The following AGBL4 variants were observed in gnomAD, a reference collection of about 807,000 sequenced individuals.
AGBL4 encodes the protein cytosolic carboxypeptidase 6.
A neutral mutation model predicts 66.4 loss-of-function variants in AGBL4; 58 were observed. That is an observed-to-expected ratio of 0.87 (90% confidence interval 0.71 to 1.09). AGBL4 has a LOEUF of 1.09. Ranked by LOEUF, AGBL4 falls within the 50% of genes least tolerant of loss-of-function variation. The probability of loss-of-function intolerance (pLI) is 0.00; values close to 1 mark genes in which losing one functional copy is unlikely to be tolerated. For synonymous variants in AGBL4, 234 were observed against 222.9 expected (o/e 1.05, Z -0.44); for missense variants, 579 against 631.0 (o/e 0.92, Z 0.88).
intron 3 of AGBL4, among the ~76,000 whole-genome samples, chr1:49,562,457 C>G (rs897283224): frequency 2.6e-5 from 4 of 152,144 alleles, no homozygotes; most frequent in Non-Finnish European, 4.4e-5. Context: ...ACATGTAAGT[C>G]TTTAATCCAT....
chr1:49,754,261 G>T (rs1351856368), intron 2 of AGBL4, among the ~76,000 whole-genome samples: 3 of 146,480 alleles, frequency 2.0e-5, no homozygotes, highest in Non-Finnish European at 3.0e-5. Flanking sequence ...TTTTGCATGG[G>T]TGTTCTTTTT....
chr1:48,836,159 CAGA>C (rs1427244382), intron 6 of AGBL4, among the ~76,000 whole-genome samples: 1 of 151,752 alleles, frequency 6.6e-6, no homozygotes, highest in Non-Finnish European at 1.5e-5. Context: ...GGTGAAGCAC[CAGA>C]AGGAGTAGAG....
chr1:48,628,927 C>T (rs1645548696), intron 9 of AGBL4, among the ~76,000 whole-genome samples: 1 of 145,476 alleles, frequency 6.9e-6, no homozygotes, highest in South Asian at 2.3e-4. Flanking sequence ...ATTAAAATTT[C>T]ATAAGGGTCT....
chr1:48,867,174 G>T lies in AGBL4; in HGVS notation c.634+17C>A, dbSNP rs1377586162. ...AAATAAGGGAAAAGCAAAGGCAGAA[G>T]GGCCACGCCTACTCACCAGGGCTGG... is the stretch of plus-strand genomic sequence containing the variant. On this transcript the variant is annotated intron_variant, in intron 6 of 13. Transcript: ENST00000371839. The T allele has an allele frequency of 6.2e-7, 1 of 1,612,972 alleles. No homozygotes were observed.
At chr1:49,627,281 T>G (rs1005814949) in intron 3 of AGBL4, among the ~76,000 whole-genome samples, 1 of 152,162 alleles carries the variant, frequency 6.6e-6, no homozygotes, top group African/African-American at 2.4e-5. Flanking sequence ...CTTATAAATC[T>G]ATCTTAAAGA....
Position 48,956,257 on chromosome 1 carries a change from A to C in AGBL4, c.595-89027T>G, listed in dbSNP as rs565618684. 6.8e-4 allele frequency among the ~76,000 whole-genome samples: 104 copies of C among 152,352 alleles called. 2 individuals carry two copies. The highest frequency in any genetic ancestry group is 2.4e-3 in the Admixed American group (36 of 15,304). On this transcript the variant is annotated intron_variant, in intron 5 of 13. Coordinates refer to ENST00000371839, the MANE Select transcript of AGBL4 (RefSeq NM_032785.4). ...GCCCTCAGTGGCATCTGTCCAGTAC[A>C]TAGACATGCCAACTGTTTACTTCAA... is the stretch of plus-strand genomic sequence containing the variant.
At chr1:49,383,533 T>C (rs1339603399) in intron 3 of AGBL4, among the ~76,000 whole-genome samples, 1 of 152,136 alleles carries the variant, frequency 6.6e-6, no homozygotes, top group Non-Finnish European at 1.5e-5. Flanking sequence ...GTGTCAAGGC[T>C]GCACAATGGG....
chr1:49,515,892 G>T (rs1216944645), intron 3 of AGBL4, among the ~76,000 whole-genome samples: 1 of 117,180 alleles, frequency 8.5e-6, no homozygotes, highest in Admixed American at 1.1e-4. Context: ...CTGTTGTGGG[G>T]TGGGGGGAGG....
At position 49,563,175 on chromosome 1, in the gene AGBL4, G is replaced by A. The variant is rs567243947; in HGVS notation, c.282+134138C>T. On this transcript the variant is annotated intron_variant, in intron 3 of 13. Transcript: ENST00000371839. ...CATTGATTTTGTATCCTGAGACTTTGCTGAAGTTGCTTATCAGCTTAAGGA... is the reference window on the plus strand; with the variant it reads ...CATTGATTTTGTATCCTGAGACTTTACTGAAGTTGCTTATCAGCTTAAGGA... 7.3e-3 allele frequency among the ~76,000 whole-genome samples: 1,104 copies of A among 150,334 alleles called. 11 individuals are homozygous for A. The highest frequency in any genetic ancestry group is 0.013 in the Non-Finnish European group (898 of 67,708).
intron 3 of AGBL4, among the ~76,000 whole-genome samples, chr1:49,552,902 CAA>C (rs1394277963): frequency 6.6e-6 from 1 of 152,070 alleles, no homozygotes; most frequent in Non-Finnish European, 1.5e-5. Context: ...AATCATATTT[CAA>C]GTCTTCATTT....
At chr1:49,173,735 T>A (rs1646780259) in intron 4 of AGBL4, among the ~76,000 whole-genome samples, 1 of 152,194 alleles carries the variant, frequency 6.6e-6, no homozygotes, top group South Asian at 2.1e-4. Context: ...AGGTGACATT[T>A]GAGCAGAGAC....
At chr1:49,461,459 T>G (rs982262288) in intron 3 of AGBL4, among the ~76,000 whole-genome samples, 2 of 151,394 alleles carry the variant, frequency 1.3e-5, no homozygotes, top group African/African-American at 4.8e-5. Context: ...ATTTTTTTTT[T>G]ATTTATGCGA....
chr1:49,293,062 C>T (rs571442585), intron 3 of AGBL4, among the ~76,000 whole-genome samples: 1 of 152,244 alleles, frequency 6.6e-6, no homozygotes. Flanking sequence ...GTGACTCCCT[C>T]TTTGGGGCCC....
At position 49,515,519 on chromosome 1, in the gene AGBL4, C is replaced by T. The variant is rs1649713329; in HGVS notation, c.282+181794G>A. Among the ~76,000 whole-genome samples, 4 of 151,834 alleles carry T rather than the reference C, an allele frequency of 2.6e-5. No homozygotes were observed. The South Asian group carries it at 6.2e-4, about 24-fold the overall frequency. On this transcript the variant is annotated intron_variant, in intron 3 of 13. Coordinates refer to ENST00000371839, the MANE Select transcript of AGBL4 (RefSeq NM_032785.4). Reference sequence around the variant, plus strand: ...TCTAGAACTAGAAATACCATTTGACCCAGCAATCCCATTACTGGGTATATA... The same window carrying T: ...TCTAGAACTAGAAATACCATTTGACTCAGCAATCCCATTACTGGGTATATA...
chr1:49,473,889 T>C (rs907927277), intron 3 of AGBL4, among the ~76,000 whole-genome samples: 10 of 152,124 alleles, frequency 6.6e-5, no homozygotes, highest in African/African-American at 2.4e-4. Flanking sequence ...GAATAGGGTA[T>C]CCTTTCCCAG....
At chr1:49,069,094 T>C (rs2147930195) in intron 4 of AGBL4, among the ~76,000 whole-genome samples, 1 of 152,358 alleles carries the variant, frequency 6.6e-6, no homozygotes, top group Middle Eastern at 3.4e-3. Flanking sequence ...TTTTTTCTTG[T>C]AAATTTGTTT....
intron 6 of AGBL4, among the ~76,000 whole-genome samples, chr1:48,752,298 A>T (rs1385653609): frequency 6.6e-6 from 1 of 152,178 alleles, no homozygotes; most frequent in African/African-American, 2.4e-5. Flanking sequence ...CCAAGAAGAG[A>T]GTCCTGGCAA....
chr1:49,568,177 A>G (rs1384303113), intron 3 of AGBL4, among the ~76,000 whole-genome samples: 2 of 152,158 alleles, frequency 1.3e-5, no homozygotes, highest in Non-Finnish European at 2.9e-5. Flanking sequence ...AGGGCATCCA[A>G]ATAGAAAGAG....
chr1:48,603,037 T>C (rs942255825), intron 9 of AGBL4, among the ~76,000 whole-genome samples: 2 of 152,208 alleles, frequency 1.3e-5, no homozygotes, highest in African/African-American at 4.8e-5. Context: ...AGGAGGTGAC[T>C]ATTAAGCAAG....
Sources: gnomAD v4.1 joint callset for allele counts (sites outside exome capture counted in the v4.1 genomes callset) on GRCh38, gnomAD v4.1.1 for gene constraint, MANE v1.5 for transcripts, NCBI Gene and HGNC (gene_info 2026-07-23, HGNC 2026-07-21) for gene names.